The following PSME1 variants were observed in gnomAD, a reference collection of about 807,000 sequenced individuals.
The protein encoded by PSME1 is proteasome activator complex subunit 1.
A neutral mutation model predicts 38.4 loss-of-function variants in PSME1; 15 were observed. The observed-to-expected ratio is 0.39, with a 90% CI of 0.26 to 0.60. The LOEUF is 0.60. PSME1 is among the 20% of genes least tolerant of loss of function. PSME1 has a pLI of 0.53. For missense variants in PSME1, 249 were observed against 305.6 expected (o/e 0.81, Z 1.38); for synonymous variants, 106 against 106.8 (o/e 0.99, Z 0.05).
intron 10 of PSME1, 27 bp from the exon 11 acceptor site, chr14:24,138,705 TCTGA>T (rs1381205513): frequency 6.2e-7 from 1 of 1,613,916 alleles, no homozygotes; most frequent in Admixed American, 1.7e-5. Flanking sequence ...ACTGGAGGCC[TCTGA>T]CTGACCTCTA....
Position 24,136,351 on chromosome 14 carries a change from G to A in PSME1, c.39+50G>A, listed in dbSNP as rs2037901470. ...GGCCCACTGGGGAGGCGTGGCTGGA[G>A]CGGCCGGGGGCATCCCCGACCCGCC... On this transcript the variant is annotated intron_variant, in intron 1 of 10. Coordinates refer to ENST00000206451, the MANE Select transcript of PSME1 (RefSeq NM_006263.4). The surrounding 1 kb of genome is among the most constrained non-coding windows in gnomAD (Gnocchi z 4.8). 1.7e-5 allele frequency: 25 copies of A among 1,471,576 alleles called. No individual in the cohort carries two copies. Among genetic ancestry groups the A allele is most frequent in the Non-Finnish European group, 2.0e-5 (22 of 1,108,550 alleles). 91.2% of individuals were successfully genotyped at this position (1,471,576 alleles called of 1,614,324 possible). A position where few individuals can be genotyped will look rare whatever the true frequency, so the allele number is the denominator to read the frequency against.
In PSME1 at chr14:24,136,850, G is replaced by A. The variant is rs879231706; in HGVS notation, c.40-135G>A. On this transcript the variant is annotated intron_variant, in intron 1 of 10. Transcript: ENST00000206451. This position sits in a 1 kb window ranked among gnomAD's most constrained non-coding sequence, Gnocchi z 4.8. ...AACCCACCCTACAGGCATCCATCTC[G>A]CTTTCTTCAGGTCTGGCCTTAGAGG... 5 of 1,006,866 alleles carry A rather than the reference G, an allele frequency of 5.0e-6. No individual in the cohort carries two copies. Among genetic ancestry groups the A allele is most frequent in the South Asian group, 4.1e-5 (3 of 73,284 alleles). The allele number at this position is 1,006,866 out of a possible 1,614,324, so 62.4% of individuals were successfully genotyped here. A position where few individuals can be genotyped will look rare whatever the true frequency, so the allele number is the denominator to read the frequency against.
rs372194608 is a variant in PSME1, at chr14:24,137,148, G to A, written c.78G>A (p.Glu26=). 37 of 1,614,062 alleles carry A rather than the reference G, an allele frequency of 2.3e-5. No individual in the cohort carries two copies. The highest frequency in any genetic ancestry group is 3.1e-5 in the Non-Finnish European group (37 of 1,180,032). The change falls in exon 3 of 11, where the codon GAG becomes GAA. Residue 26 remains glutamate, a synonymous_variant. Coordinates refer to ENST00000206451, the MANE Select transcript of PSME1 (RefSeq NM_006263.4). ...CACCCCCACCTCACACACAGACAGA[G>A]AACCTGCTCGGGAGCTATTTCCCCA... is the stretch of plus-strand genomic sequence containing the variant. ...VFREDLCTKT[E]NLLGSYFPKK...
rs748335672 is a variant in PSME1 at position 24,136,230 on chromosome 14, T to C, written c.-33T>C. 6.6e-7 allele frequency: 1 copy of C among 1,517,148 alleles called. No homozygotes were observed. Among genetic ancestry groups the C allele is most frequent in the East Asian group, 2.8e-5 (1 of 35,788 alleles). 94.0% of individuals were successfully genotyped at this position (1,517,148 alleles called of 1,614,324 possible). On this transcript the variant is annotated 5_prime_UTR_variant, in exon 1 of 11. Transcript: ENST00000206451. This position sits in a 1 kb window ranked among gnomAD's most constrained non-coding sequence, Gnocchi z 4.8. Reference sequence around the variant, plus strand: ...TTTCCCTTCGCGGTGCCCACTCCACTCCTTGTGCGGCGCTAGGCCCCCCGT... The same window carrying C: ...TTTCCCTTCGCGGTGCCCACTCCACCCCTTGTGCGGCGCTAGGCCCCCCGT...
At position 24,137,750 on chromosome 14, in the gene PSME1, C is replaced by T; in HGVS notation, c.343C>T (p.Gln115Ter). ...CAATGAAAAGATCGTGGTCCTTCTGCAGCGCTTGAAGCCTGAGATCAAGGA... is the reference window on the plus strand; with the variant it reads ...CAATGAAAAGATCGTGGTCCTTCTGTAGCGCTTGAAGCCTGAGATCAAGGA... Reference protein sequence around the residue: ...NCNEKIVVLLQRLKPEIKDVI... With the variant: ...NCNEKIVVLL The change falls in exon 6 of 11, where the codon CAG becomes TAG. Residue 115 changes from glutamine to a stop codon, truncating the protein, a stop_gained. Transcript: ENST00000206451. LOFTEE classifies it high-confidence loss of function. 1 of 1,614,252 alleles carries T rather than the reference C, an allele frequency of 6.2e-7. No homozygotes were observed. The highest frequency in any genetic ancestry group is 1.1e-5 in the South Asian group (1 of 91,090).
Position 24,138,935 on chromosome 14 carries a change from G to T in PSME1, c.*119G>T. On this transcript the variant is annotated 3_prime_UTR_variant, in exon 11 of 11. Coordinates refer to ENST00000206451, the MANE Select transcript of PSME1 (RefSeq NM_006263.4). The stretch of plus-strand genomic sequence containing the variant: ...ATTTTTCCCTCACCTTGCCTCTCAG[G>T]CACAATAAATATAGTTATACCACTG... The T allele has an allele frequency of 3.1e-6, 5 of 1,595,630 alleles. No homozygotes were observed. The highest frequency in any genetic ancestry group is 4.3e-6 in the Non-Finnish European group (5 of 1,169,438).
intron 5 of PSME1, 41 bp from the exon 6 acceptor site, chr14:24,137,659 A>ACAGGGC: frequency 6.2e-7 from 1 of 1,611,320 alleles, no homozygotes. Flanking sequence ...CGCCCCTCAC[A>ACAGGGC]CAGGCTCAAT....
At chr14:24,137,120 C>T in intron 2 of PSME1, 23 bp from the exon 3 acceptor site, 1 of 1,614,096 alleles carries the variant, frequency 6.2e-7, no homozygotes, top group Non-Finnish European at 8.5e-7. Flanking sequence ...TCCCATCCTC[C>T]TCCACCCCCA....
At position 24,136,879 on chromosome 14, in the gene PSME1, C is replaced by A. The variant is rs2139043032; in HGVS notation, c.40-106C>A. 7.2e-7 allele frequency: 1 copy of A among 1,384,718 alleles called. No individual in the cohort carries two copies. The highest frequency in any genetic ancestry group is 1.0e-6 in the Non-Finnish European group (1 of 977,826). 85.8% of individuals were successfully genotyped at this position (1,384,718 alleles called of 1,614,324 possible). A position where few individuals can be genotyped will look rare whatever the true frequency, so the allele number is the denominator to read the frequency against. On this transcript the variant is annotated intron_variant, in intron 1 of 10. Coordinates refer to ENST00000206451, the MANE Select transcript of PSME1 (RefSeq NM_006263.4). This position sits in a 1 kb window ranked among gnomAD's most constrained non-coding sequence, Gnocchi z 4.8. ...TCTTCAGGTCTGGCCTTAGAGGGAT[C>A]CCCTCCACCCTTCCCCAGGTCAGGC... is the stretch of plus-strand genomic sequence containing the variant.
Position 24,137,208 on chromosome 14 carries a change from A to AC in PSME1, c.135+5dup. ...CTGAGCTGGATGCATTTTTAAAGGT[A>AC]CCGCGGCTGGGCAGGGAGCTAGGGA... On this transcript the variant is annotated splice_donor_region_variant and intron_variant, in intron 3 of 10. Transcript: ENST00000206451. 1 of 1,613,980 alleles carries AC rather than the reference A, an allele frequency of 6.2e-7. No homozygotes were observed. Among genetic ancestry groups the AC allele is most frequent in the Non-Finnish European group, 8.5e-7 (1 of 1,179,866 alleles).
In PSME1 at chr14:24,137,137, A is replaced by C. The variant is rs778220947; in HGVS notation, c.73-6A>C. On this transcript the variant is annotated splice_region_variant and splice_polypyrimidine_tract_variant and intron_variant, in intron 2 of 10. Coordinates refer to ENST00000206451, the MANE Select transcript of PSME1 (RefSeq NM_006263.4). ...CCATCCTCCTCCACCCCCACCTCACACACAGACAGAGAACCTGCTCGGGAG... is the reference window on the plus strand; with the variant it reads ...CCATCCTCCTCCACCCCCACCTCACCCACAGACAGAGAACCTGCTCGGGAG... The C allele has an allele frequency of 1.9e-6, 3 of 1,613,978 alleles. No homozygotes were observed. The African/African-American group carries it at 4.0e-5, about 22-fold the overall frequency.
Position 24,136,238 on chromosome 14 carries a change from C to T in PSME1, c.-25C>T. On this transcript the variant is annotated 5_prime_UTR_variant, in exon 1 of 11. Coordinates refer to ENST00000206451, the MANE Select transcript of PSME1 (RefSeq NM_006263.4). The surrounding 1 kb of genome is among the most constrained non-coding windows in gnomAD (Gnocchi z 4.8). Reference sequence around the variant, plus strand: ...CGCGGTGCCCACTCCACTCCTTGTGCGGCGCTAGGCCCCCCGTCCCGGTCA... The same window carrying T: ...CGCGGTGCCCACTCCACTCCTTGTGTGGCGCTAGGCCCCCCGTCCCGGTCA... 2 of 1,517,550 alleles carry T rather than the reference C, an allele frequency of 1.3e-6. No individual in the cohort carries two copies. The highest frequency in any genetic ancestry group is 8.8e-7 in the Non-Finnish European group (1 of 1,133,658). The allele number at this position is 1,517,550 out of a possible 1,614,324, so 94.0% of individuals were successfully genotyped here. A position where few individuals can be genotyped will look rare whatever the true frequency, so the allele number is the denominator to read the frequency against.
chr14:24,138,442 G>A lies in PSME1; in HGVS notation c.583-32G>A, dbSNP rs2139048219. The A allele has an allele frequency of 1.9e-6, 3 of 1,614,214 alleles. No individual in the cohort carries two copies. In the South Asian group the frequency reaches 3.3e-5, roughly 18 times the overall value. On this transcript the variant is annotated intron_variant, in intron 9 of 10. Coordinates refer to ENST00000206451, the MANE Select transcript of PSME1 (RefSeq NM_006263.4). ...CAGGGTGCATGGGGGAAGGACACAT[G>A]TAAGGTCAGGCCTGACCCGAGCTTC...
rs1444512031 is a variant in PSME1, at chr14:24,136,378, C to G, written c.39+77C>G. On this transcript the variant is annotated intron_variant, in intron 1 of 10. Coordinates refer to ENST00000206451, the MANE Select transcript of PSME1 (RefSeq NM_006263.4). This position sits in a 1 kb window ranked among gnomAD's most constrained non-coding sequence, Gnocchi z 4.8. ...GGCCGGGGGCATCCCCGACCCGCCC[C>G]CCAGGCTCCCACGCGAGTCGGGGGC... 2.2e-6 allele frequency: 3 copies of G among 1,372,730 alleles called. No individual in the cohort carries two copies. In the African/African-American group the frequency reaches 4.6e-5, roughly 21 times the overall value. The allele number at this position is 1,372,730 out of a possible 1,614,324, so 85.0% of individuals were successfully genotyped here.
rs1478732202 is a variant in PSME1 at position 24,136,254 on chromosome 14, G to A, written c.-9G>A. On this transcript the variant is annotated 5_prime_UTR_variant, in exon 1 of 11. Coordinates refer to ENST00000206451, the MANE Select transcript of PSME1 (RefSeq NM_006263.4). The surrounding 1 kb of genome is among the most constrained non-coding windows in gnomAD (Gnocchi z 4.8). ...CTCCTTGTGCGGCGCTAGGCCCCCC[G>A]TCCCGGTCATGGCCATGCTCAGGGT... The A allele has an allele frequency of 3.9e-6, 6 of 1,524,038 alleles. No individual in the cohort carries two copies. The highest frequency in any genetic ancestry group is 2.8e-5 in the East Asian group (1 of 36,358). The allele number at this position is 1,524,038 out of a possible 1,614,324, so 94.4% of individuals were successfully genotyped here.
intron 5 of PSME1, 48 bp from the exon 6 acceptor site, chr14:24,137,652 C>T (rs551129880): frequency 6.2e-7 from 1 of 1,610,740 alleles, no homozygotes; most frequent in East Asian, 2.2e-5. Flanking sequence ...TCCCCTTCGC[C>T]CCTCACACAG....
In PSME1 at chr14:24,138,045, C is replaced by T. The variant is rs1041294257; in HGVS notation, c.391-4C>T. 1.2e-6 allele frequency: 2 copies of T among 1,614,014 alleles called. No individual in the cohort carries two copies. Among genetic ancestry groups the T allele is most frequent in the African/African-American group, 2.7e-5 (2 of 74,926 alleles). ...TGTGGCATTATGCCATTCCCTCTTCCCAGGTCACCACCTGGTTGCAGCTGC... is the reference window on the plus strand; with the variant it reads ...TGTGGCATTATGCCATTCCCTCTTCTCAGGTCACCACCTGGTTGCAGCTGC... On this transcript the variant is annotated splice_polypyrimidine_tract_variant and splice_region_variant and intron_variant, in intron 6 of 10. Transcript: ENST00000206451.
At chr14:24,137,472 G>C (rs2037927468) in intron 4 of PSME1, 41 bp downstream of exon 4, 2 of 1,613,660 alleles carry the variant, frequency 1.2e-6, no homozygotes, top group African/African-American at 1.3e-5. Context: ...CAACTATGGG[G>C]GTAATCAACC....
At chr14:24,138,170 C>A (rs566090727) in intron 7 of PSME1, 26 bp from the exon 8 acceptor site, 9 of 1,614,152 alleles carry the variant, frequency 5.6e-6, no homozygotes, top group African/African-American at 4.0e-5. Flanking sequence ...CTTCCTTCCA[C>A]TTTCCCCCTT....
Sources: allele counts gnomAD v4.1 joint callset, GRCh38; gene constraint gnomAD v4.1.1; non-coding constraint Gnocchi (gnomAD v3.1); transcripts MANE v1.5; gene names NCBI Gene and HGNC (gene_info 2026-07-23, HGNC 2026-07-21).